Variants in KLF12 observed in about 807,000 individuals in gnomAD.
The protein encoded by KLF12 is Krueppel-like factor 12.
In KLF12, 9 loss-of-function variants were observed where a neutral mutation model predicts 37.8. The observed-to-expected ratio is 0.24, with a 90% CI of 0.14 to 0.42. The LOEUF is 0.42. Among genes scored for constraint, KLF12 ranks in the 10% least tolerant of loss-of-function variants. The pLI, the probability that KLF12 is intolerant of heterozygous loss-of-function variation, is 1.00. For missense variants in KLF12, 411 were observed against 516.0 expected (o/e 0.80, Z 1.97); for synonymous variants, 208 against 202.1 (o/e 1.03, Z -0.25).
chr13:73,739,284 T>C (rs961445461), intron 6 of KLF12, among the ~76,000 whole-genome samples: 3 of 148,888 alleles, frequency 2.0e-5, no homozygotes, highest in Non-Finnish European at 4.5e-5. Context: ...TAAATGTACT[T>C]GTCTTAAAGG....
intron 3 of KLF12, among the ~76,000 whole-genome samples, chr13:73,847,927 A>G (rs1447857197): frequency 6.6e-6 from 1 of 152,124 alleles, no homozygotes; most frequent in African/African-American, 2.4e-5. Flanking sequence ...TTATCATTTT[A>G]TTTCTTTGTA....
intron 3 of KLF12, among the ~76,000 whole-genome samples, chr13:73,914,567 G>A (rs1418765152): frequency 6.6e-6 from 1 of 152,160 alleles, no homozygotes; most frequent in Admixed American, 6.5e-5. Flanking sequence ...TAATCAGTAT[G>A]AGTTGCACGG....
upstream of KLF12, among the ~76,000 whole-genome samples, chr13:74,138,357 T>C (rs1566231587): frequency 6.6e-6 from 1 of 152,150 alleles, no homozygotes; most frequent in Non-Finnish European, 1.5e-5. Context: ...AAAGTGAACA[T>C]GTACTGTTAG....
intron 1 of KLF12, among the ~76,000 whole-genome samples, chr13:74,079,496 A>T (rs1381348654): frequency 6.6e-6 from 1 of 152,238 alleles, no homozygotes; most frequent in African/African-American, 2.4e-5. Context: ...AAGGACCTAA[A>T]TTCAACCCAA....
the KLF12 span, among the ~76,000 whole-genome samples, chr13:74,228,553 G>T: frequency 7.9e-5 from 12 of 152,012 alleles, no homozygotes. Context: ...CCTTTTCAAG[G>T]TCCCACAGAA....
chr13:74,212,598 T>C, the KLF12 span, among the ~76,000 whole-genome samples: 4 of 152,252 alleles, frequency 2.6e-5, no homozygotes, highest in South Asian at 6.2e-4. Flanking sequence ...GATCAGAACC[T>C]TGGGAAGCAC....
intron 3 of KLF12, among the ~76,000 whole-genome samples, chr13:73,928,971 C>G (rs540425093): frequency 2.6e-5 from 4 of 152,204 alleles, no homozygotes; most frequent in Non-Finnish European, 5.9e-5. Context: ...GATCACTCTC[C>G]AAGTAAACTG....
intron 2 of KLF12, among the ~76,000 whole-genome samples, chr13:73,956,065 C>A (rs765049508): frequency 3.9e-4 from 59 of 152,226 alleles, no homozygotes; most frequent in Non-Finnish European, 7.5e-4. Flanking sequence ...AATTCTAAAA[C>A]GTACCACAAT....
At chr13:74,078,507 CTTAA>C (rs1204302457) in intron 1 of KLF12, among the ~76,000 whole-genome samples, 2 of 152,030 alleles carry the variant, frequency 1.3e-5, no homozygotes, top group Non-Finnish European at 2.9e-5. Context: ...AACACTGTTA[CTTAA>C]TTAAATATTT....
chr13:73,901,206 A>G (rs1192711063), intron 3 of KLF12, among the ~76,000 whole-genome samples: 2 of 152,214 alleles, frequency 1.3e-5, no homozygotes, highest in African/African-American at 4.8e-5. Context: ...CAAGTAGCAC[A>G]ATGTCAGGTT....
intron 6 of KLF12, among the ~76,000 whole-genome samples, chr13:73,761,011 C>T (rs1170925058): frequency 6.6e-6 from 1 of 152,044 alleles, no homozygotes; most frequent in Non-Finnish European, 1.5e-5. Flanking sequence ...CACAGACACA[C>T]CAAAATGTAG....
At chr13:74,206,786 T>C in the KLF12 span, among the ~76,000 whole-genome samples, 1 of 152,234 alleles carries the variant, frequency 6.6e-6, no homozygotes, top group South Asian at 2.1e-4. Flanking sequence ...ACTTTGGCAA[T>C]TTATTTAATT....
chr13:73,937,572 C>T (rs1890004251), intron 3 of KLF12, among the ~76,000 whole-genome samples: 1 of 129,262 alleles, frequency 7.7e-6, no homozygotes, highest in South Asian at 2.2e-4. Context: ...TACCTTGAAC[C>T]ATTACAGCAC....
intron 3 of KLF12, among the ~76,000 whole-genome samples, chr13:73,850,424 AC>A (rs1264258168): frequency 2.6e-5 from 4 of 152,222 alleles, no homozygotes; most frequent in African/African-American, 9.6e-5. Context: ...TTCCCAGAGT[AC>A]TAGATGTGTT....
intron 1 of KLF12, among the ~76,000 whole-genome samples, chr13:74,025,433 A>G (rs1432756390): frequency 6.6e-6 from 1 of 152,174 alleles, no homozygotes; most frequent in Admixed American, 6.5e-5. Context: ...CGACTCATAA[A>G]GTGTCTGAAT....
chr13:74,051,341 A>AACACACACACACACACACACACACAC (rs10678885), intron 1 of KLF12, among the ~76,000 whole-genome samples: 2 of 143,690 alleles, frequency 1.4e-5, no homozygotes, highest in Non-Finnish European at 3.0e-5. Flanking sequence ...TACACACACA[A>AACACACACACACACACACACACACAC]ACACACACAC....
chr13:74,221,392 A>AT, the KLF12 span, among the ~76,000 whole-genome samples: 43 of 150,218 alleles, frequency 2.9e-4, no homozygotes, highest in Non-Finnish European at 4.0e-4. Flanking sequence ...TGGTCTATGT[A>AT]TTTTTTTTTC....
rs1370621507 is a variant in KLF12, at chr13:74,043,678, A to G, written c.-31-48625T>C. The stretch of plus-strand genomic sequence containing the variant: ...TAACAGCAGTATGTGACTGAATTTA[A>G]GTTTTTCCCTTAGAATTCCTTGAGG... On this transcript the variant is annotated intron_variant, in intron 1 of 7. Transcript: ENST00000377669. Among the ~76,000 whole-genome samples, 6 of 152,224 alleles carry G rather than the reference A, an allele frequency of 3.9e-5. No homozygotes were observed. The East Asian group carries it at 1.2e-3, about 29-fold the overall frequency.
chr13:73,894,286 A>G (rs1003547193), intron 3 of KLF12, among the ~76,000 whole-genome samples: 2 of 152,198 alleles, frequency 1.3e-5, no homozygotes, highest in African/African-American at 4.8e-5. Context: ...ATGTCTACAA[A>G]CCATGCACAC....
Sources: gnomAD v4.1 joint callset for allele counts (sites outside exome capture counted in the v4.1 genomes callset) on GRCh38, gnomAD v4.1.1 for gene constraint, MANE v1.5 for transcripts, NCBI Gene and HGNC (gene_info 2026-07-23, HGNC 2026-07-21) for gene names.